Variants in LMCD1 observed in about 807,000 individuals in gnomAD.
The protein encoded by LMCD1 is LIM and cysteine-rich domains protein 1.
A neutral mutation model predicts 42.7 loss-of-function variants in LMCD1; 32 were observed. The ratio of observed to expected loss-of-function variants is 0.75; its 90% CI spans 0.57 to 1.01. The LOEUF (loss-of-function observed/expected upper bound fraction) is 1.01, where lower values mean the gene tolerates loss of function less well. LMCD1 is among the 50% of genes least tolerant of loss of function. The pLI, the probability that LMCD1 is intolerant of heterozygous loss-of-function variation, is 0.00. For synonymous variants in LMCD1, 178 were observed against 184.9 expected, an observed-to-expected ratio of 0.96 and a Z score of 0.30; for missense variants, 458 against 483.1, an observed-to-expected ratio of 0.95 and a Z score of 0.49.
chr3:8,510,808 T>C (rs1266728510), intron 1 of LMCD1, among the ~76,000 whole-genome samples: 1 of 152,242 alleles, frequency 6.6e-6, no homozygotes. Context: ...TTGGTTTTCT[T>C]TGTATTTTTA....
At position 8,549,120 on chromosome 3, in the gene LMCD1, G is replaced by A. The variant is rs180901697; in HGVS notation, c.723+217G>A. Among the ~76,000 whole-genome samples, 565 of 152,232 alleles carry A rather than the reference G, an allele frequency of 3.7e-3. 4 individuals carry two copies. The highest frequency in any genetic ancestry group is 0.013 in the African/African-American group (531 of 41,534). On this transcript the variant is annotated intron_variant, in intron 4 of 5. Transcript: ENST00000157600. ...CTTGAAAGGCTCATAGTCCAGTGGC[G>A]GTCACAGGCAAAACCGAAACAGTTT... is the stretch of plus-strand genomic sequence containing the variant.
chr3:8,548,492 TA>T, intron 3 of LMCD1, 75 bp from the exon 4 acceptor site: 1 of 1,023,942 alleles, frequency 9.8e-7, no homozygotes, highest in Non-Finnish European at 1.4e-6. Context: ...CAGTTTTAGG[TA>T]GATTCTGTCA....
chr3:8,509,153 C>A (rs1331977485), intron 1 of LMCD1, among the ~76,000 whole-genome samples: 3 of 152,148 alleles, frequency 2.0e-5, no homozygotes, highest in Non-Finnish European at 4.4e-5. Context: ...AACATTTCCT[C>A]CTGCTGTTAT....
intron 4 of LMCD1, among the ~76,000 whole-genome samples, chr3:8,557,737 G>T (rs142290694): frequency 2.6e-5 from 4 of 152,144 alleles, no homozygotes; most frequent in Non-Finnish European, 5.9e-5. Context: ...GTCACCTAGG[G>T]CTGCATATCA....
At chr3:8,545,784 A>T (rs901857298) in intron 3 of LMCD1, among the ~76,000 whole-genome samples, 2 of 152,190 alleles carry the variant, frequency 1.3e-5, no homozygotes, top group African/African-American at 4.8e-5. Context: ...ACTTTGACAT[A>T]TGTAGCTGGT....
intron 4 of LMCD1, among the ~76,000 whole-genome samples, chr3:8,564,055 A>G (rs891656416): frequency 6.6e-6 from 1 of 152,226 alleles, no homozygotes; most frequent in African/African-American, 2.4e-5. Context: ...GGATCCTGGA[A>G]TAGAAAAAGG....
chr3:8,554,612 C>T (rs1574972317), intron 4 of LMCD1, among the ~76,000 whole-genome samples: 1 of 152,076 alleles, frequency 6.6e-6, no homozygotes, highest in Non-Finnish European at 1.5e-5. Context: ...GCAACCTGGA[C>T]CCATTCACAC....
chr3:8,512,498 T>G (rs565440237), intron 1 of LMCD1, among the ~76,000 whole-genome samples: 1 of 152,296 alleles, frequency 6.6e-6, no homozygotes, highest in South Asian at 2.1e-4. Context: ...AACATTATGG[T>G]GATCATCCCT....
chr3:8,548,797 G>C lies in LMCD1; in HGVS notation c.617G>C (p.Gly206Ala), dbSNP rs1004469427. 5 of 1,610,046 alleles carry C rather than the reference G, an allele frequency of 3.1e-6. No homozygotes were observed. Among genetic ancestry groups the C allele is most frequent in the Non-Finnish European group, 4.2e-6 (5 of 1,176,702 alleles). Reference protein sequence around the residue: ...VGEVALPGQGGLPKEEGKQQE... With the variant: ...VGEVALPGQGALPKEEGKQQE... ...GAAGTGGCCCTCCCGGGGCAGGGTG[G>C]CTTGCCCAAGGAGGAGGGGAAGCAG... The change falls in exon 4 of 6, where the codon GGC becomes GCC. Residue 206 changes from glycine to alanine, a missense_variant. By Grantham distance (60) the Gly-to-Ala change is moderately conservative. Transcript: ENST00000157600.
intron 1 of LMCD1, among the ~76,000 whole-genome samples, chr3:8,510,968 G>A (rs994342897): frequency 6.6e-6 from 1 of 152,274 alleles, no homozygotes; most frequent in South Asian, 2.1e-4. Context: ...CTATGCATAG[G>A]TAAACATATA....
At chr3:8,552,792 C>T (rs979047184) in intron 4 of LMCD1, among the ~76,000 whole-genome samples, 18 of 152,102 alleles carry the variant, frequency 1.2e-4, no homozygotes, top group Non-Finnish European at 2.1e-4. Flanking sequence ...GGCACAGTCT[C>T]GGCTCACTGC....
intron 2 of LMCD1, among the ~76,000 whole-genome samples, chr3:8,535,729 G>T (rs934093598): frequency 6.6e-6 from 1 of 152,178 alleles, no homozygotes; most frequent in Non-Finnish European, 1.5e-5. Flanking sequence ...ATTTCCATCT[G>T]ATTTTCTCTC....
At chr3:8,552,097 C>T (rs1694852684) in intron 4 of LMCD1, among the ~76,000 whole-genome samples, 1 of 152,198 alleles carries the variant, frequency 6.6e-6, no homozygotes, top group Non-Finnish European at 1.5e-5. Context: ...TCATCTTAAT[C>T]GTGTTCGTTG....
At chr3:8,504,497 G>A (rs1048170838) in intron 1 of LMCD1, among the ~76,000 whole-genome samples, 9 of 152,200 alleles carry the variant, frequency 5.9e-5, no homozygotes, top group African/African-American at 1.9e-4. Context: ...GGGCTGGGGC[G>A]GGAATCCCCA....
intron 4 of LMCD1, 22 bp from the exon 5 acceptor site, chr3:8,565,410 T>C (rs1464010569): frequency 6.2e-7 from 1 of 1,605,918 alleles, no homozygotes; most frequent in Non-Finnish European, 8.5e-7. Flanking sequence ...TTGTCTCCTA[T>C]GGTCCTTCCC....
chr3:8,533,487 G>A (rs538909147), intron 2 of LMCD1, among the ~76,000 whole-genome samples: 34 of 152,202 alleles, frequency 2.2e-4, no homozygotes, highest in Non-Finnish European at 4.0e-4. Flanking sequence ...CTGTCCCTGC[G>A]GCCCTGGGAG....
intron 2 of LMCD1, among the ~76,000 whole-genome samples, chr3:8,536,260 G>T (rs1400233790): frequency 6.6e-6 from 1 of 152,204 alleles, no homozygotes; most frequent in Non-Finnish European, 1.5e-5. Context: ...CTGAGACCCA[G>T]CACAGCCTGC....
chr3:8,554,246 G>A (rs1694891675), intron 4 of LMCD1, among the ~76,000 whole-genome samples: 1 of 152,144 alleles, frequency 6.6e-6, no homozygotes, highest in African/African-American at 2.4e-5. Flanking sequence ...CGCAGATGAG[G>A]ACCCTGGGGC....
chr3:8,567,412 C>A lies in LMCD1; in HGVS notation c.940-28C>A. ...CTCTACCTAGGGACAGAAACTGAGT[C>A]ATGCATTTCTCCTGCTCCCCTCCCC... On this transcript the variant is annotated intron_variant, in intron 5 of 5. Transcript: ENST00000157600. 1.9e-6 allele frequency: 3 copies of A among 1,609,358 alleles called. No individual in the cohort carries two copies. In the South Asian group the frequency reaches 3.3e-5, roughly 18 times the overall value.
Sources: allele counts gnomAD v4.1 joint callset (sites outside exome capture counted in the v4.1 genomes callset), GRCh38; gene constraint gnomAD v4.1.1; transcripts MANE v1.5; gene names NCBI Gene and HGNC (gene_info 2026-07-23, HGNC 2026-07-21).